Variants in CSMD1 observed in about 807,000 individuals in gnomAD.
CSMD1 encodes the protein CUB and sushi domain-containing protein 1.
In CSMD1, 213 loss-of-function variants were observed where a neutral mutation model predicts 417.5. The observed-to-expected ratio is 0.51, with a 90% confidence interval of 0.46 to 0.57. CSMD1 has a LOEUF of 0.57. Ranked by LOEUF, CSMD1 falls within the 20% of genes least tolerant of loss-of-function variation. The pLI is 0.00. For synonymous variants in CSMD1, 2,862 were observed against 1,736.8 expected (o/e 1.65, Z -16.11); for missense variants, 6,923 against 4,529.7 (o/e 1.53, Z -15.17).
intron 1 of CSMD1, among the ~76,000 whole-genome samples, chr8:4,781,951 C>A (rs943153457): frequency 6.6e-6 from 1 of 152,142 alleles, no homozygotes; most frequent in South Asian, 2.1e-4. Context: ...AAAAAATATA[C>A]AAATGACAAT....
intron 25 of CSMD1, among the ~76,000 whole-genome samples, chr8:3,292,431 A>C (rs1252153353): frequency 6.6e-6 from 1 of 152,116 alleles, no homozygotes; most frequent in East Asian, 1.9e-4. Context: ...GTGGGGTGTT[A>C]AAGTCTCCCA....
intron 3 of CSMD1, among the ~76,000 whole-genome samples, chr8:4,272,742 C>A (rs761906457): frequency 6.6e-6 from 1 of 152,066 alleles, no homozygotes; most frequent in African/African-American, 2.4e-5. Flanking sequence ...ATTTTTCATT[C>A]TGTAATTCTT....
intron 1 of CSMD1, among the ~76,000 whole-genome samples, chr8:4,945,395 T>C (rs1808299314): frequency 6.6e-6 from 1 of 152,098 alleles, no homozygotes; most frequent in African/African-American, 2.4e-5. Flanking sequence ...GTTCAGATAG[T>C]AAATTTCATA....
chr8:4,309,449 T>C (rs1444932765), intron 3 of CSMD1, among the ~76,000 whole-genome samples: 2 of 147,234 alleles, frequency 1.4e-5, no homozygotes, highest in South Asian at 4.2e-4. Context: ...AATTTTAATA[T>C]TATGAAAGAC....
intron 1 of CSMD1, among the ~76,000 whole-genome samples, chr8:4,842,032 C>A (rs1358190266): frequency 6.6e-6 from 1 of 150,776 alleles, no homozygotes; most frequent in Non-Finnish European, 1.5e-5. Context: ...TTCAAGGGAG[C>A]TGAGAGAGAT....
chr8:4,708,362 T>C (rs1808082467), intron 1 of CSMD1, among the ~76,000 whole-genome samples: 1 of 152,210 alleles, frequency 6.6e-6, no homozygotes, highest in Non-Finnish European at 1.5e-5. Context: ...AGACAACATC[T>C]GTCTTGTTCA....
intron 4 of CSMD1, among the ~76,000 whole-genome samples, chr8:4,029,989 G>A (rs1797258892): frequency 6.6e-6 from 1 of 152,198 alleles, no homozygotes. Flanking sequence ...TTGACTTTGT[G>A]TCTCACATCC....
chr8:4,634,751 T>A (rs1225797865), intron 2 of CSMD1, among the ~76,000 whole-genome samples: 1 of 152,194 alleles, frequency 6.6e-6, no homozygotes, highest in Non-Finnish European at 1.5e-5. Context: ...CTACTATTTA[T>A]AACTACTTTC....
chr8:3,366,490 T>G (rs1809574072), intron 20 of CSMD1, among the ~76,000 whole-genome samples: 1 of 152,206 alleles, frequency 6.6e-6, no homozygotes, highest in Non-Finnish European at 1.5e-5. Flanking sequence ...TATCTATATA[T>G]TATCATTAAA....
chr8:4,693,974 G>A (rs888091073), intron 1 of CSMD1, among the ~76,000 whole-genome samples: 1 of 152,184 alleles, frequency 6.6e-6, no homozygotes, highest in Non-Finnish European at 1.5e-5. Context: ...AATTCAGGGA[G>A]ACTCTGTGAA....
intron 12 of CSMD1, among the ~76,000 whole-genome samples, chr8:3,467,049 C>G (rs1016419742): frequency 6.6e-6 from 1 of 152,158 alleles, no homozygotes; most frequent in Non-Finnish European, 1.5e-5. Context: ...TTTATGACAT[C>G]TCATGAAAAG....
At chr8:4,889,853 A>C (rs571472636) in intron 1 of CSMD1, among the ~76,000 whole-genome samples, 1 of 152,226 alleles carries the variant, frequency 6.6e-6, no homozygotes, top group African/African-American at 2.4e-5. Flanking sequence ...GTTACTTTGT[A>C]TTTATTGATG....
At chr8:3,341,534 T>C (rs1807650541) in intron 23 of CSMD1, among the ~76,000 whole-genome samples, 1 of 152,174 alleles carries the variant, frequency 6.6e-6, no homozygotes, top group Non-Finnish European at 1.5e-5. Context: ...CAATGTGTTT[T>C]TTGTGAAGCA....
intron 1 of CSMD1, among the ~76,000 whole-genome samples, chr8:4,814,221 T>C (rs1219267279): frequency 1.1e-4 from 16 of 146,950 alleles, no homozygotes; most frequent in African/African-American, 3.3e-4. Flanking sequence ...TGTGTGTGCG[T>C]GTGCGTGTGC....
At chr8:3,968,335 T>C (rs1315570389) in intron 5 of CSMD1, among the ~76,000 whole-genome samples, 1 of 152,140 alleles carries the variant, frequency 6.6e-6, no homozygotes, top group African/African-American at 2.4e-5. Flanking sequence ...CAGAGGGCTA[T>C]AATCTCCCTG....
At chr8:4,059,690 T>G (rs1440017722) in intron 3 of CSMD1, among the ~76,000 whole-genome samples, 5 of 152,194 alleles carry the variant, frequency 3.3e-5, no homozygotes, top group Admixed American at 6.5e-5. Flanking sequence ...CTAGAAAATC[T>G]AGAAGAAATG....
Position 3,786,038 on chromosome 8 carries a change from G to A in CSMD1, c.819-31996C>T, listed in dbSNP as rs558749614. ...TTGGGGTGAAGAAAATTAGAAGGAC[G>A]GAAGAAGTGATGTTTGGGAGGTGAG... On this transcript the variant is annotated intron_variant, in intron 5 of 69. Transcript: ENST00000635120. 1.2e-3 allele frequency among the ~76,000 whole-genome samples: 177 copies of A among 152,152 alleles called. 1 individual carries two copies. Among genetic ancestry groups the A allele is most frequent in the Admixed American group, 2.2e-3 (33 of 15,268 alleles).
rs143507624 is a variant in CSMD1 at position 4,671,725 on chromosome 8, T to TTG, written c.86-34169_86-34168dup. On this transcript the variant is annotated intron_variant, in intron 1 of 69. Coordinates refer to ENST00000635120, the MANE Select transcript of CSMD1 (RefSeq NM_033225.6). ...CAAAATATGGGTCAGAAAGTATTGC[T>TTG]TGTGTGTGTGTGTGTGCTTGTGTGT... Among the ~76,000 whole-genome samples, 1,419 of 151,588 alleles carry TTG rather than the reference T, an allele frequency of 9.4e-3. 11 individuals carry two copies. The highest frequency in any genetic ancestry group is 0.015 in the Non-Finnish European group (990 of 67,804).
intron 32 of CSMD1, among the ~76,000 whole-genome samples, chr8:3,200,719 G>A (rs572959709): frequency 9.9e-5 from 15 of 152,152 alleles, no homozygotes; most frequent in African/African-American, 3.6e-4. Flanking sequence ...TATTTAATGT[G>A]TATCCTCTGA....
Sources: gnomAD v4.1 joint callset for allele counts (sites outside exome capture counted in the v4.1 genomes callset) on GRCh38, gnomAD v4.1.1 for gene constraint, MANE v1.5 for transcripts, NCBI Gene and HGNC (gene_info 2026-07-23, HGNC 2026-07-21) for gene names.